SLC35F6: variants seen among roughly 807,000 people sequenced by gnomAD.
SLC35F6 encodes the protein ANT2-binding protein.
SLC35F6 carries 26 observed loss-of-function variants against 29.4 expected under a neutral mutation model. The observed-to-expected ratio is 0.89, with a 90% CI of 0.65 to 1.23. SLC35F6 has a LOEUF of 1.23. Ranked by LOEUF, SLC35F6 falls within the 50% of genes most tolerant of loss-of-function variation. The pLI, the probability that SLC35F6 is intolerant of heterozygous loss-of-function variation, is 0.00. For missense variants in SLC35F6, 428 were observed against 487.8 expected (o/e 0.88, Z 1.15); for synonymous variants, 174 against 206.6 (o/e 0.84, Z 1.35).
intron 1 of SLC35F6, among the ~76,000 whole-genome samples, chr2:26,770,339 T>C (rs1664174083): frequency 6.6e-6 from 1 of 152,114 alleles, no homozygotes; most frequent in Non-Finnish European, 1.5e-5. Flanking sequence ...CTTGGGAGGC[T>C]GAGGCTGTAG....
intron 1 of SLC35F6, among the ~76,000 whole-genome samples, chr2:26,770,163 G>A (rs769415715): frequency 4.6e-5 from 7 of 152,174 alleles, no homozygotes; most frequent in South Asian, 2.1e-4. Context: ...CCAGCACTTC[G>A]GGAGGCTGAG....
At chr2:26,765,373 A>G (rs1482457987) in intron 1 of SLC35F6, among the ~76,000 whole-genome samples, 2 of 152,104 alleles carry the variant, frequency 1.3e-5, no homozygotes, top group Non-Finnish European at 2.9e-5. Context: ...CTAAGGACCC[A>G]GGCAGTCATG....
chr2:26,769,879 A>G (rs967271432), intron 1 of SLC35F6, among the ~76,000 whole-genome samples: 54 of 152,252 alleles, frequency 3.5e-4, no homozygotes, highest in African/African-American at 1.1e-3. Flanking sequence ...TCCTTATATC[A>G]TGTATTGCTT....
chr2:26,774,138 T>C (rs2148057935), intron 1 of SLC35F6, 113 bp from the exon 2 acceptor site: 1 of 1,257,542 alleles, frequency 8.0e-7, no homozygotes, highest in South Asian at 1.4e-5. Context: ...GGAGCCCCAC[T>C]CTGGGGCCGG....
At chr2:26,777,760 G>GTGTGTGTGTGTCCA (rs571627377) in intron 5 of SLC35F6, among the ~76,000 whole-genome samples, 5,771 of 151,948 alleles carry the variant, frequency 0.038, 408 homozygotes, top group African/African-American at 0.13. Context: ...GTGTGTGTGT[G>GTGTGTGTGTGTCCA]TGTCCATGAA....
At chr2:26,774,389 T>C (rs1664259795) in intron 2 of SLC35F6, 66 bp downstream of exon 2, 1 of 1,578,128 alleles carries the variant, frequency 6.3e-7, no homozygotes, top group Non-Finnish European at 8.7e-7. Context: ...CCCCCGGCCA[T>C]GAGGCCAGGC....
rs1310222554 is a variant in SLC35F6 at position 26,779,488 on chromosome 2, C to G, written c.*977C>G. The G allele has an allele frequency of 6.6e-6, 1 of 152,276 alleles. No homozygotes were observed. The highest frequency in any genetic ancestry group is 2.4e-5 in the African/African-American group (1 of 41,450). 9.4% of individuals were successfully genotyped at this position (152,276 alleles called of 1,614,324 possible). A position where few individuals can be genotyped will look rare whatever the true frequency, so the allele number is the denominator to read the frequency against. Reference sequence around the variant, plus strand: ...CAGCCCATCCACTGGAAATACCCCTCTGCCCACAGCACCACCCTTCTGTGC... The same window carrying G: ...CAGCCCATCCACTGGAAATACCCCTGTGCCCACAGCACCACCCTTCTGTGC... On this transcript the variant is annotated 3_prime_UTR_variant, in exon 6 of 6. Transcript: ENST00000344420.
chr2:26,777,064 T>A (rs1230244808), intron 5 of SLC35F6, among the ~76,000 whole-genome samples: 1 of 152,226 alleles, frequency 6.6e-6, no homozygotes, highest in Non-Finnish European at 1.5e-5. Context: ...CTGGGCGTGG[T>A]GGCGCATGCC....
intron 1 of SLC35F6, chr2:26,764,904 AG>A: frequency 1.0e-6 from 1 of 985,414 alleles, no homozygotes; most frequent in Non-Finnish European, 1.2e-6. Context: ...TTTGAAGCTT[AG>A]GTGGGATTTC....
At chr2:26,766,095 A>G (rs1664091525) in intron 1 of SLC35F6, among the ~76,000 whole-genome samples, 1 of 152,200 alleles carries the variant, frequency 6.6e-6, no homozygotes, top group South Asian at 2.1e-4. Context: ...GAGTCAGGAA[A>G]GAGGCTCCCA....
chr2:26,770,202 C>T (rs907701271), intron 1 of SLC35F6, among the ~76,000 whole-genome samples: 2 of 152,070 alleles, frequency 1.3e-5, no homozygotes, highest in African/African-American at 4.8e-5. Flanking sequence ...GCCAGGAGTT[C>T]GAGACTAGCC....
intron 4 of SLC35F6, 77 bp from the exon 5 acceptor site, chr2:26,776,295 G>A (rs554950960): frequency 6.0e-6 from 8 of 1,336,608 alleles, no homozygotes; most frequent in East Asian, 4.7e-5. Flanking sequence ...TGGCATGTTT[G>A]GTCGCTGTGG....
rs1664278580 is a variant in SLC35F6, at chr2:26,775,322, C to G, written c.322+107C>G. 5.2e-6 allele frequency: 8 copies of G among 1,528,832 alleles called. No individual in the cohort carries two copies. The East Asian group carries it at 1.4e-4, about 26-fold the overall frequency. 94.7% of individuals were successfully genotyped at this position (1,528,832 alleles called of 1,614,324 possible). A position where few individuals can be genotyped will look rare whatever the true frequency, so the allele number is the denominator to read the frequency against. On this transcript the variant is annotated intron_variant, in intron 3 of 5. Transcript: ENST00000344420. This position sits in a 1 kb window ranked among gnomAD's most constrained non-coding sequence, Gnocchi z 4.6. ...CACCTCCACTTCATCCCACCATTCC[C>G]CCAGACTTCACACGCACAGGCACAC...
At chr2:26,774,900 A>G (rs2148058352) in intron 2 of SLC35F6, 144 bp from the exon 3 acceptor site, 1 of 996,298 alleles carries the variant, frequency 1.0e-6, no homozygotes, top group Non-Finnish European at 1.4e-6. Flanking sequence ...TCTAGCCTCC[A>G]TGGCAGCTCT....
chr2:26,766,944 G>T (rs1256875281), intron 1 of SLC35F6, among the ~76,000 whole-genome samples: 2 of 152,164 alleles, frequency 1.3e-5, no homozygotes, highest in Non-Finnish European at 2.9e-5. Flanking sequence ...TGTGGCTGGG[G>T]ACTTCTCCAG....
At chr2:26,776,539 G>A (rs1664304248) in intron 5 of SLC35F6, 57 bp downstream of exon 5, 2 of 1,511,998 alleles carry the variant, frequency 1.3e-6, no homozygotes, top group Admixed American at 3.4e-5. Context: ...CTGGGGAGCT[G>A]AGCACAGGAC....
intron 1 of SLC35F6, among the ~76,000 whole-genome samples, chr2:26,768,597 C>T (rs903731876): frequency 6.6e-6 from 1 of 151,418 alleles, no homozygotes; most frequent in African/African-American, 2.4e-5. Context: ...ATCTCCTGAC[C>T]TCGCCCATCT....
chr2:26,777,781 C>T (rs1339950820), intron 5 of SLC35F6, among the ~76,000 whole-genome samples: 1 of 149,520 alleles, frequency 6.7e-6, no homozygotes, highest in Non-Finnish European at 1.5e-5. Context: ...CCTGTGCACA[C>T]GTGTACTGGG....
At chr2:26,772,779 A>G (rs1664221485) in intron 1 of SLC35F6, among the ~76,000 whole-genome samples, 1 of 152,146 alleles carries the variant, frequency 6.6e-6, no homozygotes, top group African/African-American at 2.4e-5. Flanking sequence ...GATTCCACAG[A>G]CCTAACCAAG....
Sources: gnomAD v4.1 joint callset for allele counts (sites outside exome capture counted in the v4.1 genomes callset) on GRCh38, gnomAD v4.1.1 for gene constraint, Gnocchi (gnomAD v3.1) non-coding constraint, MANE v1.5 for transcripts, NCBI Gene and HGNC (gene_info 2026-07-23, HGNC 2026-07-21) for gene names.